Variants in FHIP1A observed in about 807,000 individuals in gnomAD.
FHIP1A encodes FHF complex subunit HOOK interacting protein 1A.
FHIP1A carries 61 observed loss-of-function variants against 88.6 expected under a neutral mutation model. The observed-to-expected ratio is 0.69, with a 90% CI of 0.56 to 0.85. The LOEUF is 0.85. Among genes scored for constraint, FHIP1A ranks in the 40% least tolerant of loss-of-function variants. The probability of loss-of-function intolerance (pLI) is 0.00; values close to 1 mark genes in which losing one functional copy is unlikely to be tolerated. For missense variants in FHIP1A, 1,154 were observed against 1,273.5 expected (o/e 0.91, Z 1.43); for synonymous variants, 478 against 496.0 (o/e 0.96, Z 0.48).
chr4:151,511,196 A>G (rs1360902032), intron 3 of FHIP1A, among the ~76,000 whole-genome samples: 1 of 152,256 alleles, frequency 6.6e-6, no homozygotes, highest in Non-Finnish European at 1.5e-5. Flanking sequence ...AAGATGGCCT[A>G]GGTAAATTCA....
At chr4:151,621,159 T>C (rs575221467) in intron 7 of FHIP1A, among the ~76,000 whole-genome samples, 2 of 152,294 alleles carry the variant, frequency 1.3e-5, no homozygotes, top group East Asian at 3.9e-4. Context: ...CACCGCACAC[T>C]AAGTTTTTTT....
At chr4:151,424,293 G>A (rs1270828184) in intron 1 of FHIP1A, among the ~76,000 whole-genome samples, 2 of 152,158 alleles carry the variant, frequency 1.3e-5, no homozygotes, top group African/African-American at 4.8e-5. Flanking sequence ...TACATCGTTG[G>A]TCTGGGAAAG....
rs1737779482 is a variant in FHIP1A, at chr4:151,669,377, T to C, written c.*6623T>C. Among the ~76,000 whole-genome samples the C allele has an allele frequency of 6.6e-6, 1 of 152,200 alleles. No individual in the cohort carries two copies. Among genetic ancestry groups the C allele is most frequent in the African/African-American group, 2.4e-5 (1 of 41,442 alleles). ...ATACAGTTTGCACTTGACATAATAGTTTTGGTAAATGTCTTTTTCTGGCTG... is the reference window on the plus strand; with the variant it reads ...ATACAGTTTGCACTTGACATAATAGCTTTGGTAAATGTCTTTTTCTGGCTG... On this transcript the variant is annotated 3_prime_UTR_variant, in exon 14 of 14. Coordinates refer to ENST00000435205, the MANE Select transcript of FHIP1A (RefSeq NM_001109977.3).
intron 7 of FHIP1A, among the ~76,000 whole-genome samples, chr4:151,610,681 A>G (rs1335757871): frequency 6.6e-6 from 1 of 152,054 alleles, no homozygotes; most frequent in Non-Finnish European, 1.5e-5. Flanking sequence ...TGAGATGCCA[A>G]CTATATTTAG....
chr4:151,505,461 G>A (rs539806625), intron 3 of FHIP1A, among the ~76,000 whole-genome samples: 99 of 152,162 alleles, frequency 6.5e-4, no homozygotes, highest in African/African-American at 2.3e-3. Context: ...GTCTATCATC[G>A]ACCCCTTCCA....
intron 3 of FHIP1A, among the ~76,000 whole-genome samples, chr4:151,514,303 A>C (rs1731147262): frequency 6.6e-6 from 1 of 152,106 alleles, no homozygotes; most frequent in South Asian, 2.1e-4. Context: ...CATTCAAAGC[A>C]GTGTGTAGAG....
chr4:151,514,216 C>A (rs1196288567), intron 3 of FHIP1A, among the ~76,000 whole-genome samples: 1 of 152,058 alleles, frequency 6.6e-6, no homozygotes, highest in Non-Finnish European at 1.5e-5. Flanking sequence ...GGGTACATAA[C>A]GAAATGAAGG....
intron 1 of FHIP1A, among the ~76,000 whole-genome samples, chr4:151,445,099 G>A (rs977145231): frequency 1.2e-4 from 19 of 152,128 alleles, no homozygotes; most frequent in African/African-American, 4.6e-4. Flanking sequence ...CAAATTGGAG[G>A]TTCTCATGAC....
At chr4:151,544,897 G>A (rs188178942) in intron 3 of FHIP1A, among the ~76,000 whole-genome samples, 94 of 152,130 alleles carry the variant, frequency 6.2e-4, no homozygotes, top group Non-Finnish European at 6.0e-4. Flanking sequence ...GGTAACATAG[G>A]GAGACCCCCT....
intron 3 of FHIP1A, among the ~76,000 whole-genome samples, chr4:151,552,583 A>T (rs566547470): frequency 9.7e-4 from 147 of 152,224 alleles, no homozygotes; most frequent in African/African-American, 3.5e-3. Flanking sequence ...AGGATAGAAA[A>T]CCAAATACCG....
chr4:151,619,687 C>A (rs1294163659), intron 7 of FHIP1A, among the ~76,000 whole-genome samples: 1 of 152,208 alleles, frequency 6.6e-6, no homozygotes, highest in Admixed American at 6.5e-5. Flanking sequence ...TTTCATTCAA[C>A]ATATATATTT....
intron 2 of FHIP1A, among the ~76,000 whole-genome samples, chr4:151,476,449 C>T (rs1729709906): frequency 6.6e-6 from 1 of 152,058 alleles, no homozygotes; most frequent in Non-Finnish European, 1.5e-5. Flanking sequence ...GCACCTGGAC[C>T]TATTATTGAT....
intron 3 of FHIP1A, among the ~76,000 whole-genome samples, chr4:151,487,244 T>G (rs950486091): frequency 6.6e-6 from 1 of 152,194 alleles, no homozygotes; most frequent in East Asian, 1.9e-4. Flanking sequence ...ATGTCATTCA[T>G]ATTTTTGTTT....
At chr4:151,650,987 G>A (rs923290728) in intron 11 of FHIP1A, among the ~76,000 whole-genome samples, 1 of 152,054 alleles carries the variant, frequency 6.6e-6, no homozygotes, top group African/African-American at 2.4e-5. Context: ...CCAGTAGAAT[G>A]TATGCTCTGT....
intron 7 of FHIP1A, among the ~76,000 whole-genome samples, chr4:151,615,238 T>C (rs1230891505): frequency 6.6e-6 from 1 of 152,244 alleles, no homozygotes; most frequent in African/African-American, 2.4e-5. Context: ...GGGACAAAAA[T>C]GCCAGGAAAT....
chr4:151,654,500 T>A (rs1312543158), intron 11 of FHIP1A, among the ~76,000 whole-genome samples: 1 of 152,198 alleles, frequency 6.6e-6, no homozygotes, highest in Non-Finnish European at 1.5e-5. Flanking sequence ...TACAGAAGAC[T>A]CTGCCCACCT....
chr4:151,602,884 G>A (rs909734863), intron 7 of FHIP1A, among the ~76,000 whole-genome samples: 1 of 152,162 alleles, frequency 6.6e-6, no homozygotes, highest in Non-Finnish European at 1.5e-5. Flanking sequence ...AGATTTAAGA[G>A]ATAAGGGATT....
chr4:151,515,179 TATAAAC>T lies in FHIP1A; in HGVS notation c.-123+32533_-123+32538del, dbSNP rs1203923983. Among the ~76,000 whole-genome samples the T allele has an allele frequency of 5.5e-3, 843 of 152,148 alleles. 7 individuals are homozygous for T. The highest frequency in any genetic ancestry group is 0.018 in the African/African-American group (765 of 41,466). The stretch of plus-strand genomic sequence containing the variant: ...GCAAATCAATAAATGTAATCCAACA[TATAAAC>T]AGAACCAAAGACAAAAACCACATGA... On this transcript the variant is annotated intron_variant, in intron 3 of 13. Transcript: ENST00000435205.
intron 7 of FHIP1A, among the ~76,000 whole-genome samples, chr4:151,628,545 A>G (rs1234602850): frequency 2.0e-5 from 3 of 152,240 alleles, no homozygotes; most frequent in Non-Finnish European, 4.4e-5. Flanking sequence ...GGAATGGCCC[A>G]GTAACCGTAA....
Sources: gnomAD v4.1 joint callset for allele counts (sites outside exome capture counted in the v4.1 genomes callset) on GRCh38, gnomAD v4.1.1 for gene constraint, MANE v1.5 for transcripts, NCBI Gene and HGNC (gene_info 2026-07-23, HGNC 2026-07-21) for gene names.